The following ATRNL1 variants were observed in gnomAD, a reference collection of about 807,000 sequenced individuals.
ATRNL1 encodes the protein attractin like 1.
In ATRNL1, 95 loss-of-function variants were observed where a neutral mutation model predicts 182.7. That is an observed-to-expected ratio of 0.52 (90% CI 0.44 to 0.62). The LOEUF (loss-of-function observed/expected upper bound fraction) is 0.62. Ranked by LOEUF, ATRNL1 falls within the 20% of genes least tolerant of loss-of-function variation. The pLI is 0.00. For missense variants in ATRNL1, 1,471 were observed against 1,679.5 expected (o/e 0.88, Z 2.17); for synonymous variants, 576 against 568.3 (o/e 1.01, Z -0.19).
intron 8 of ATRNL1, among the ~76,000 whole-genome samples, chr10:115,204,980 C>T (rs1167124857): frequency 6.6e-6 from 1 of 152,054 alleles, no homozygotes; most frequent in Non-Finnish European, 1.5e-5. Flanking sequence ...TTGTAATGCT[C>T]TTTTAAGCTG....
intron 28 of ATRNL1, among the ~76,000 whole-genome samples, chr10:115,850,951 T>A (rs1157466734): frequency 6.6e-6 from 1 of 152,080 alleles, no homozygotes; most frequent in Non-Finnish European, 1.5e-5. Context: ...GTGCCAGGGG[T>A]CTTCTCTTGG....
At chr10:115,803,479 A>C (rs1949846275) in intron 27 of ATRNL1, among the ~76,000 whole-genome samples, 1 of 152,132 alleles carries the variant, frequency 6.6e-6, no homozygotes, top group Non-Finnish European at 1.5e-5. Flanking sequence ...TAAACTGTTA[A>C]TGAGAACAAA....
chr10:115,382,601 T>G (rs1266073553), intron 19 of ATRNL1, among the ~76,000 whole-genome samples: 3 of 151,932 alleles, frequency 2.0e-5, no homozygotes, highest in Non-Finnish European at 2.9e-5. Flanking sequence ...TTTTTGTGGA[T>G]TATTTAGGCT....
intron 18 of ATRNL1, among the ~76,000 whole-genome samples, chr10:115,317,500 GAT>G (rs1262619169): frequency 3.9e-5 from 6 of 152,126 alleles, no homozygotes; most frequent in Non-Finnish European, 5.9e-5. Flanking sequence ...CCATTTTTAC[GAT>G]ATTGATTCTT....
intron 10 of ATRNL1, among the ~76,000 whole-genome samples, chr10:115,253,838 A>G (rs542801197): frequency 6.6e-6 from 1 of 152,002 alleles, no homozygotes; most frequent in Non-Finnish European, 1.5e-5. Flanking sequence ...CCCTGTGTCC[A>G]AGTGATCTCA....
At chr10:115,935,751 A>G (rs1267045018) in intron 28 of ATRNL1, among the ~76,000 whole-genome samples, 4 of 152,226 alleles carry the variant, frequency 2.6e-5, no homozygotes, top group Non-Finnish European at 5.9e-5. Flanking sequence ...GTAACTCTGA[A>G]AATGATAAAA....
intron 24 of ATRNL1, among the ~76,000 whole-genome samples, chr10:115,494,048 T>C (rs1443331350): frequency 6.6e-6 from 1 of 152,184 alleles, no homozygotes; most frequent in Non-Finnish European, 1.5e-5. Flanking sequence ...AGTTTGCAAA[T>C]ATTTTCTCTT....
At chr10:115,772,591 C>CTGTG (rs1491162323) in intron 27 of ATRNL1, among the ~76,000 whole-genome samples, 1 of 130,556 alleles carries the variant, frequency 7.7e-6, no homozygotes, top group Non-Finnish European at 1.7e-5. Flanking sequence ...AAAATATATA[C>CTGTG]TCTGTCTGTG....
At chr10:115,305,289 C>T (rs1554925847) in intron 17 of ATRNL1, among the ~76,000 whole-genome samples, 1 of 152,138 alleles carries the variant, frequency 6.6e-6, no homozygotes, top group Non-Finnish European at 1.5e-5. Flanking sequence ...TAAGGCAAAA[C>T]AGTAACACAA....
intron 19 of ATRNL1, among the ~76,000 whole-genome samples, chr10:115,389,567 T>TATAC (rs1843895392): frequency 2.3e-4 from 27 of 117,646 alleles, no homozygotes; most frequent in Non-Finnish European, 3.5e-4. Context: ...TATATATATA[T>TATAC]ATATATATAT....
intron 28 of ATRNL1, among the ~76,000 whole-genome samples, chr10:115,935,099 A>G (rs2615881): frequency 0.82 from 124,737 of 152,120 alleles, 56,345 homozygotes; most frequent in Non-Finnish European, 0.99. Context: ...TCTTTTCCTC[A>G]TGGCTTCTGC....
intron 21 of ATRNL1, among the ~76,000 whole-genome samples, chr10:115,434,499 GA>G (rs1476388850): frequency 6.6e-6 from 1 of 152,130 alleles, no homozygotes; most frequent in African/African-American, 2.4e-5. Flanking sequence ...AACCATTAAA[GA>G]AGTGGAAATC....
At chr10:115,542,750 A>G (rs1264919204) in intron 25 of ATRNL1, among the ~76,000 whole-genome samples, 8 of 152,120 alleles carry the variant, frequency 5.3e-5, no homozygotes, top group African/African-American at 1.9e-4. Flanking sequence ...GAAATGTATT[A>G]TCTCCCAGTT....
intron 28 of ATRNL1, among the ~76,000 whole-genome samples, chr10:115,851,907 T>A (rs1369974024): frequency 1.3e-5 from 2 of 152,146 alleles, no homozygotes; most frequent in African/African-American, 4.8e-5. Flanking sequence ...CTCTCCTACA[T>A]GACACTTAAC....
intron 26 of ATRNL1, among the ~76,000 whole-genome samples, chr10:115,723,044 A>G (rs782377874): frequency 1.3e-5 from 2 of 152,236 alleles, no homozygotes; most frequent in Non-Finnish European, 2.9e-5. Context: ...GTTCATTCAT[A>G]AAACACTGTT....
intron 6 of ATRNL1, among the ~76,000 whole-genome samples, chr10:115,161,813 A>T (rs1564787697): frequency 6.6e-6 from 1 of 152,032 alleles, no homozygotes; most frequent in Non-Finnish European, 1.5e-5. Flanking sequence ...CATCATTCTG[A>T]ATGTAGTTCA....
intron 10 of ATRNL1, among the ~76,000 whole-genome samples, chr10:115,244,259 T>G (rs1850537366): frequency 6.6e-6 from 1 of 152,160 alleles, no homozygotes; most frequent in Non-Finnish European, 1.5e-5. Context: ...TTTTTATTGT[T>G]GCAAAATGTA....
intron 28 of ATRNL1, among the ~76,000 whole-genome samples, chr10:115,871,694 T>C (rs1006560423): frequency 6.6e-6 from 1 of 152,022 alleles, no homozygotes; most frequent in African/African-American, 2.4e-5. Context: ...TTGAAAGTCA[T>C]AATTTTCCAA....
chr10:115,831,274 C>A (rs1950553984), intron 27 of ATRNL1, among the ~76,000 whole-genome samples: 2 of 152,154 alleles, frequency 1.3e-5, no homozygotes, highest in Admixed American at 1.3e-4. Context: ...CCTCCTAGCA[C>A]CTCCCGGCCT....
Sources: gnomAD v4.1 joint callset for allele counts (sites outside exome capture counted in the v4.1 genomes callset) on GRCh38, gnomAD v4.1.1 for gene constraint, MANE v1.5 for transcripts, NCBI Gene and HGNC (gene_info 2026-07-23, HGNC 2026-07-21) for gene names.